EIF4E2: variants seen among roughly 807,000 people sequenced by gnomAD.
EIF4E2 encodes eukaryotic translation initiation factor 4E family member 2.
EIF4E2 carries 13 observed loss-of-function variants against 34.2 expected under a neutral mutation model. The observed-to-expected ratio is 0.38, with a 90% confidence interval of 0.25 to 0.60. EIF4E2 has a LOEUF of 0.60. Ranked by LOEUF, EIF4E2 falls within the 20% of genes least tolerant of loss-of-function variation. EIF4E2 has a pLI of 0.62. For missense variants in EIF4E2, 222 were observed against 315.1 expected (o/e 0.70, Z 2.24); for synonymous variants, 100 against 106.6 (o/e 0.94, Z 0.38).
intron 6 of EIF4E2, among the ~76,000 whole-genome samples, chr2:232,579,103 TC>T (rs1208594877): frequency 6.8e-6 from 1 of 146,844 alleles, no homozygotes. Context: ...CAGCATATTT[TC>T]CCTAAGAGAA....
chr2:232,576,530 C>T (rs976398096), intron 6 of EIF4E2, among the ~76,000 whole-genome samples: 2 of 151,906 alleles, frequency 1.3e-5, no homozygotes, highest in Non-Finnish European at 2.9e-5. Context: ...GGGAGGCAGA[C>T]GAAGAGAACA....
rs1239710336 is a variant in EIF4E2, at chr2:232,555,138, G to A, written c.21-1278G>A. 4.6e-5 allele frequency among the ~76,000 whole-genome samples: 7 copies of A among 152,174 alleles called. No individual in the cohort carries two copies. The South Asian group carries it at 1.0e-3, about 23-fold the overall frequency. On this transcript the variant is annotated intron_variant, in intron 1 of 6. Coordinates refer to ENST00000258416, the MANE Select transcript of EIF4E2 (RefSeq NM_004846.4). ...TTAATGTACTAGGCACTGGGGATTC[G>A]TGGGCAAAAAAAACCAGACCACAAA...
intron 6 of EIF4E2, among the ~76,000 whole-genome samples, chr2:232,575,925 G>C (rs1334486313): frequency 2.6e-5 from 4 of 151,830 alleles, no homozygotes. Flanking sequence ...GGGGTGCTTT[G>C]CTGGGCGCAG....
chr2:232,573,862 A>C (rs1559322407), downstream of EIF4E2: 1 of 364,008 alleles, frequency 2.7e-6, no homozygotes, highest in East Asian at 7.1e-5. Flanking sequence ...GATGAAGAAA[A>C]ATTGTTTCTA....
At chr2:232,579,054 G>T (rs941535885) in intron 6 of EIF4E2, among the ~76,000 whole-genome samples, 2 of 150,642 alleles carry the variant, frequency 1.3e-5, no homozygotes, top group African/African-American at 4.9e-5. Context: ...TTAAGTGTAG[G>T]TACAAAAAAA....
chr2:232,574,790 A>G (rs890618480), intron 6 of EIF4E2, among the ~76,000 whole-genome samples: 2 of 152,210 alleles, frequency 1.3e-5, no homozygotes, highest in Non-Finnish European at 2.9e-5. Flanking sequence ...AGGAAACAGT[A>G]ATATAAATTC....
chr2:232,556,091 T>C (rs1692509228), intron 1 of EIF4E2, among the ~76,000 whole-genome samples: 1 of 152,168 alleles, frequency 6.6e-6, no homozygotes, highest in Non-Finnish European at 1.5e-5. Flanking sequence ...TTAGAGACTC[T>C]TCTCATTTTT....
chr2:232,558,860 CT>C (rs1559314677), intron 3 of EIF4E2: 9 of 148,956 alleles, frequency 6.0e-5, no homozygotes, highest in African/African-American at 2.0e-4. Context: ...TTTGTGGGTA[CT>C]GGCAGTCAGA....
At chr2:232,560,592 AT>A (rs1374110206) in intron 3 of EIF4E2, among the ~76,000 whole-genome samples, 1 of 152,236 alleles carries the variant, frequency 6.6e-6, no homozygotes, top group Non-Finnish European at 1.5e-5. Flanking sequence ...CCTGGGCAAC[AT>A]AGTGAGACCC....
chr2:232,556,331 A>C, intron 1 of EIF4E2, 85 bp from the exon 2 acceptor site: 1 of 1,062,630 alleles, frequency 9.4e-7, no homozygotes, highest in South Asian at 1.4e-5. Context: ...TTGGTTACAT[A>C]GTAGTTCGTA....
rs889974027 is a variant in EIF4E2, at chr2:232,566,109, AAAC to A, written c.376-719_376-717del. Among the ~76,000 whole-genome samples the A allele has an allele frequency of 7.2e-5, 11 of 152,120 alleles. No homozygotes were observed. Among genetic ancestry groups the A allele is most frequent in the African/African-American group, 2.7e-4 (11 of 41,412 alleles). ...TCCATCGCAAAAAAGAAAAAAAAAA[AAAC>A]TAGATTGGGGCTTCATGTCTGTGTA... On this transcript the variant is annotated intron_variant, in intron 4 of 6. Transcript: ENST00000258416. The surrounding 1 kb of genome is among the most constrained non-coding windows in gnomAD (Gnocchi z 4.9).
downstream of EIF4E2, among the ~76,000 whole-genome samples, chr2:232,572,568 T>C (rs1051749768): frequency 6.6e-6 from 1 of 152,086 alleles, no homozygotes; most frequent in Non-Finnish European, 1.5e-5. Context: ...GGTTTCACCA[T>C]GTTTGCCAGG....
intron 3 of EIF4E2, among the ~76,000 whole-genome samples, chr2:232,561,990 G>A (rs191141359): frequency 6.6e-6 from 1 of 152,196 alleles, no homozygotes; most frequent in East Asian, 1.9e-4. Context: ...CAAGGAGGGA[G>A]GATCACTTGA....
At chr2:232,565,987 G>T (rs1028567612) in intron 4 of EIF4E2, among the ~76,000 whole-genome samples, 28 of 151,852 alleles carry the variant, frequency 1.8e-4, no homozygotes, top group Admixed American at 1.7e-3. Flanking sequence ...AGCTACCCAG[G>T]AGGCAGAGAC....
chr2:232,574,204 T>G, downstream of EIF4E2: 2 of 1,505,492 alleles, frequency 1.3e-6, no homozygotes, highest in Middle Eastern at 1.7e-4. Flanking sequence ...GTCTGCTCTC[T>G]GTGTTCAAAA....
intron 6 of EIF4E2, among the ~76,000 whole-genome samples, chr2:232,579,322 T>G (rs999803805): frequency 6.6e-6 from 1 of 152,246 alleles, no homozygotes; most frequent in Non-Finnish European, 1.5e-5. Context: ...TAACTTTGTT[T>G]TCAACCTTCA....
chr2:232,560,865 G>A (rs1692699416), intron 3 of EIF4E2, among the ~76,000 whole-genome samples: 1 of 152,160 alleles, frequency 6.6e-6, no homozygotes, highest in African/African-American at 2.4e-5. Flanking sequence ...AAACTTAGGG[G>A]TTTTGTAATA....
Position 232,581,942 on chromosome 2 carries a change from T to G in EIF4E2, c.*999T>G, listed in dbSNP as rs1374580573. 6.6e-6 allele frequency: 1 copy of G among 152,304 alleles called. No homozygotes were observed. The highest frequency in any genetic ancestry group is 1.5e-5 in the Non-Finnish European group (1 of 68,086). 9.4% of individuals were successfully genotyped at this position (152,304 alleles called of 1,614,324 possible). On this transcript the variant is annotated 3_prime_UTR_variant, in exon 7 of 7. Transcript: ENST00000409098. The surrounding 1 kb of genome is among the most constrained non-coding windows in gnomAD (Gnocchi z 5.2). The stretch of plus-strand genomic sequence containing the variant: ...AGGTGACCTTGCTGGATGGCTTTAT[T>G]TGCATGGCTCTGCCTGTCTGCAGTG...
intron 6 of EIF4E2, among the ~76,000 whole-genome samples, chr2:232,575,664 G>A (rs1693194166): frequency 6.6e-6 from 1 of 152,124 alleles, no homozygotes; most frequent in Non-Finnish European, 1.5e-5. Flanking sequence ...AGAATTCCAG[G>A]AGTGCTGCTA....
Sources: gnomAD v4.1 joint callset for allele counts (sites outside exome capture counted in the v4.1 genomes callset) on GRCh38, gnomAD v4.1.1 for gene constraint, Gnocchi (gnomAD v3.1) non-coding constraint, MANE v1.5 for transcripts, NCBI Gene and HGNC (gene_info 2026-07-23, HGNC 2026-07-21) for gene names.